The following CPA6 variants were observed in gnomAD, a reference collection of about 807,000 sequenced individuals.
The protein encoded by CPA6 is carboxypeptidase B.
A neutral mutation model predicts 63.3 loss-of-function variants in CPA6; 58 were observed. The ratio of observed to expected loss-of-function variants is 0.92; its 90% CI spans 0.74 to 1.14. The LOEUF (loss-of-function observed/expected upper bound fraction) is 1.14, where lower values mean the gene tolerates loss of function less well. Among genes scored for constraint, CPA6 ranks in the 50% most tolerant of loss-of-function variants. The probability of loss-of-function intolerance (pLI) is 0.00; values close to 1 mark genes in which losing one functional copy is unlikely to be tolerated. For synonymous variants in CPA6, 185 were observed against 179.0 expected (o/e 1.03, Z -0.27); for missense variants, 565 against 526.6 (o/e 1.07, Z -0.71).
At chr8:67,439,779 G>T (rs1810248405) in intron 8 of CPA6, among the ~76,000 whole-genome samples, 1 of 151,992 alleles carries the variant, frequency 6.6e-6, no homozygotes, top group Non-Finnish European at 1.5e-5. Context: ...CTTGAATCCT[G>T]CAGGAAATGA....
At chr8:67,520,275 T>C (rs1421061910) in intron 2 of CPA6, among the ~76,000 whole-genome samples, 1 of 152,126 alleles carries the variant, frequency 6.6e-6, no homozygotes, top group Non-Finnish European at 1.5e-5. Flanking sequence ...AGAATCTTCA[T>C]CCCACAGAAG....
intron 1 of CPA6, among the ~76,000 whole-genome samples, chr8:67,685,004 C>G (rs1161929756): frequency 6.6e-6 from 1 of 152,162 alleles, no homozygotes; most frequent in Non-Finnish European, 1.5e-5. Context: ...ATGCTGTGTT[C>G]AGAGTTGAGC....
chr8:67,547,118 C>A (rs1812834266), intron 2 of CPA6, among the ~76,000 whole-genome samples: 1 of 152,156 alleles, frequency 6.6e-6, no homozygotes, highest in Admixed American at 6.5e-5. Flanking sequence ...GCCATCACGG[C>A]TCACTGCAAG....
intron 2 of CPA6, among the ~76,000 whole-genome samples, chr8:67,587,374 C>T (rs112100818): frequency 8.8e-4 from 134 of 152,194 alleles, no homozygotes; most frequent in African/African-American, 3.0e-3. Context: ...TCAGTATCCT[C>T]CTAATTCTGG....
intron 1 of CPA6, among the ~76,000 whole-genome samples, chr8:67,703,294 G>T (rs975664232): frequency 2.0e-5 from 3 of 152,202 alleles, no homozygotes; most frequent in Non-Finnish European, 2.9e-5. Flanking sequence ...TGGGTGGCTT[G>T]TTGGGGTGGA....
chr8:67,424,509 G>A (rs1023949251), intron 10 of CPA6, among the ~76,000 whole-genome samples: 2 of 152,062 alleles, frequency 1.3e-5, no homozygotes, highest in Non-Finnish European at 1.5e-5. Context: ...GGTTATTGTC[G>A]TCTCTGGTAG....
At chr8:67,655,950 T>C (rs1351515) in intron 1 of CPA6, among the ~76,000 whole-genome samples, 42,093 of 152,044 alleles carry the variant, frequency 0.28, 6,021 homozygotes, top group African/African-American at 0.34. Flanking sequence ...ACATCTTACC[T>C]ATCTCCTTAC....
At chr8:67,526,945 G>A (rs951762801) in intron 2 of CPA6, among the ~76,000 whole-genome samples, 3 of 151,948 alleles carry the variant, frequency 2.0e-5, no homozygotes, top group Non-Finnish European at 4.4e-5. Context: ...ATTAGATAAG[G>A]GAAAAAATAT....
At chr8:67,539,646 G>T (rs1297393027) in intron 2 of CPA6, among the ~76,000 whole-genome samples, 9 of 152,110 alleles carry the variant, frequency 5.9e-5, no homozygotes, top group Non-Finnish European at 1.3e-4. Context: ...TCAAATGTAG[G>T]TTTGGTCTTT....
intron 6 of CPA6, among the ~76,000 whole-genome samples, chr8:67,505,485 C>T (rs1393055194): frequency 6.6e-6 from 1 of 152,128 alleles, no homozygotes; most frequent in African/African-American, 2.4e-5. Flanking sequence ...TATATCCTAT[C>T]AACAACAGAT....
chr8:67,688,300 G>A (rs1424330923), intron 1 of CPA6, among the ~76,000 whole-genome samples: 3 of 152,186 alleles, frequency 2.0e-5, no homozygotes, highest in Non-Finnish European at 4.4e-5. Context: ...AAATGACCAA[G>A]GGGACAGATG....
intron 8 of CPA6, among the ~76,000 whole-genome samples, chr8:67,457,200 C>A (rs950834890): frequency 6.6e-6 from 1 of 152,192 alleles, no homozygotes; most frequent in African/African-American, 2.4e-5. Flanking sequence ...TTTAGCACAG[C>A]GTAACATTTT....
intron 2 of CPA6, among the ~76,000 whole-genome samples, chr8:67,546,495 G>T (rs944358288): frequency 1.3e-5 from 2 of 152,084 alleles, no homozygotes; most frequent in African/African-American, 4.8e-5. Context: ...TTTTCCCATA[G>T]TCTTTGTAGA....
chr8:67,537,000 T>C (rs563101917), intron 2 of CPA6, among the ~76,000 whole-genome samples: 2 of 152,330 alleles, frequency 1.3e-5, no homozygotes, highest in East Asian at 1.9e-4. Flanking sequence ...ATTACATTTG[T>C]TGATTTGTGT....
intron 1 of CPA6, among the ~76,000 whole-genome samples, chr8:67,698,737 T>G (rs1014007609): frequency 6.6e-6 from 1 of 152,242 alleles, no homozygotes; most frequent in African/African-American, 2.4e-5. Context: ...AAACCCTTTT[T>G]GTCACATAGG....
At chr8:67,633,955 G>T (rs1815404095) in intron 1 of CPA6, among the ~76,000 whole-genome samples, 1 of 151,626 alleles carries the variant, frequency 6.6e-6, no homozygotes, top group African/African-American at 2.4e-5. Context: ...ATTGCATATT[G>T]TGTCTAAGTG....
chr8:67,697,759 G>A (rs1441840145), intron 1 of CPA6, among the ~76,000 whole-genome samples: 1 of 124,668 alleles, frequency 8.0e-6, no homozygotes, highest in Non-Finnish European at 1.6e-5. Context: ...GGATGTTGCA[G>A]TCGCAGGAAA....
In CPA6 at chr8:67,737,023, A is replaced by G. The variant is rs142207184; in HGVS notation, c.116+8991T>C. On this transcript the variant is annotated intron_variant, in intron 1 of 10. Transcript: ENST00000297770. ...ACCATAACATCCCAGTCATCTTGAC[A>G]CCAGTCTTCAGCCCTCCAATCTTCC... Among the ~76,000 whole-genome samples, 656 of 152,332 alleles carry G rather than the reference A, an allele frequency of 4.3e-3. 4 individuals are homozygous for G. The highest frequency in any genetic ancestry group is 0.015 in the African/African-American group (631 of 41,574).
intron 2 of CPA6, among the ~76,000 whole-genome samples, chr8:67,578,054 T>C (rs534974893): frequency 1.3e-5 from 2 of 152,318 alleles, no homozygotes; most frequent in Non-Finnish European, 2.9e-5. Flanking sequence ...TGTCACAAAA[T>C]ATTTTTATTT....
Sources: allele counts gnomAD v4.1 joint callset (sites outside exome capture counted in the v4.1 genomes callset), GRCh38; gene constraint gnomAD v4.1.1; transcripts MANE v1.5; gene names NCBI Gene and HGNC (gene_info 2026-07-23, HGNC 2026-07-21).